Variants in SPTLC2 observed in about 807,000 individuals in gnomAD.
SPTLC2 encodes serine palmitoyltransferase 2.
A neutral mutation model predicts 62.0 loss-of-function variants in SPTLC2; 21 were observed. The observed-to-expected ratio is 0.34, with a 90% CI of 0.24 to 0.49. The LOEUF (loss-of-function observed/expected upper bound fraction) is 0.49, where lower values mean the gene tolerates loss of function less well. Ranked by LOEUF, SPTLC2 falls within the 20% of genes least tolerant of loss-of-function variation. SPTLC2 has a pLI of 0.99. For missense variants in SPTLC2, 511 were observed against 713.0 expected (o/e 0.72, Z 3.23); for synonymous variants, 261 against 261.8 (o/e 1.00, Z 0.03).
intron 9 of SPTLC2, among the ~76,000 whole-genome samples, chr14:77,545,608 G>A (rs2079524419): frequency 6.6e-6 from 1 of 152,124 alleles, no homozygotes; most frequent in Non-Finnish European, 1.5e-5. Context: ...CCATCTATCA[G>A]GTCACTGGTT....
intron 9 of SPTLC2, among the ~76,000 whole-genome samples, chr14:77,548,979 C>T (rs1343198193): frequency 6.6e-6 from 1 of 152,092 alleles, no homozygotes; most frequent in East Asian, 1.9e-4. Flanking sequence ...CTCTGGAATC[C>T]AACAATAACA....
At chr14:77,579,745 A>C (rs944031304) in intron 2 of SPTLC2, among the ~76,000 whole-genome samples, 5 of 152,122 alleles carry the variant, frequency 3.3e-5, no homozygotes, top group African/African-American at 1.2e-4. Flanking sequence ...ACAACAACAA[A>C]AAAAACCCTG....
chr14:77,614,074 T>C (rs2079951960), intron 1 of SPTLC2, among the ~76,000 whole-genome samples: 1 of 152,240 alleles, frequency 6.6e-6, no homozygotes, highest in South Asian at 2.1e-4. Flanking sequence ...TTCTTCCAAA[T>C]GCCACCAATG....
chr14:77,555,409 C>G lies in SPTLC2; in HGVS notation c.1067G>C (p.Gly356Ala), dbSNP rs1314409456. ...AHSIGALGPT[G>A]RGVVEYFGLD... is the part of the protein sequence containing the mutation. ...GCCAAAGTACTCCACCACACCCCGG[C>G]CTGTGGGGCCCAGGGCGCCAATGCT... Residue 356 changes from glycine (G) to alanine (A), a missense_variant, in exon 8 of 12, where the codon GGC (glycine) becomes GCC (alanine). Physicochemically the swap from Gly to Ala is moderately conservative, Grantham distance 60. Transcript: ENST00000216484. The G allele has an allele frequency of 1.2e-6, 2 of 1,614,180 alleles. No individual in the cohort carries two copies. The highest frequency in any genetic ancestry group is 4.5e-5 in the East Asian group (2 of 44,876).
rs1187442772 is a variant in SPTLC2 at position 77,555,357 on chromosome 14, C to G, written c.1119G>C (p.Met373Ile). 1.9e-6 allele frequency: 3 copies of G among 1,614,164 alleles called. No individual in the cohort carries two copies. Among genetic ancestry groups the G allele is most frequent in the Non-Finnish European group, 2.5e-6 (3 of 1,180,042 alleles). Residue 373 changes from methionine to isoleucine, a missense_variant, in exon 8 of 12, where the codon ATG becomes ATC. Met to Ile is a conservative substitution (Grantham distance 10). Coordinates refer to ENST00000216484, the MANE Select transcript of SPTLC2 (RefSeq NM_004863.4). ...FGLDPEDVDV[M>I]MGTFTKSFGA... ...CAAAACTCTTTGTGAACGTTCCCAT[C>G]ATAACATCCACATCCTCGGGATCCA...
intron 2 of SPTLC2, among the ~76,000 whole-genome samples, chr14:77,594,629 T>C (rs982971186): frequency 6.6e-6 from 1 of 152,166 alleles, no homozygotes; most frequent in African/African-American, 2.4e-5. Flanking sequence ...ATACTCCTCA[T>C]TGCCTACCAA....
chr14:77,553,406 C>A (rs1297863159), intron 8 of SPTLC2, among the ~76,000 whole-genome samples: 1 of 152,094 alleles, frequency 6.6e-6, no homozygotes, highest in African/African-American at 2.4e-5. Context: ...AGCCTGGTCC[C>A]ATTAACAAAA....
intron 9 of SPTLC2, among the ~76,000 whole-genome samples, chr14:77,541,843 G>A (rs1243409662): frequency 6.6e-6 from 1 of 152,168 alleles, no homozygotes; most frequent in Non-Finnish European, 1.5e-5. Context: ...GATCACCTGA[G>A]GTCAGGAGTT....
At chr14:77,524,140 A>G (rs935555973) in intron 9 of SPTLC2, among the ~76,000 whole-genome samples, 1 of 152,220 alleles carries the variant, frequency 6.6e-6, no homozygotes, top group African/African-American at 2.4e-5. Flanking sequence ...GAATCTCAAA[A>G]TATAATGTTC....
chr14:77,554,933 C>T, intron 8 of SPTLC2: 1 of 323,092 alleles, frequency 3.1e-6, no homozygotes, highest in South Asian at 2.9e-5. Flanking sequence ...GGCAAGGTGA[C>T]CTGCTATTCC....
intron 4 of SPTLC2, 58 bp from the exon 5 acceptor site, chr14:77,570,566 A>C: frequency 6.2e-7 from 1 of 1,602,522 alleles, no homozygotes; most frequent in South Asian, 1.1e-5. Flanking sequence ...AGAATTACTC[A>C]TCACTTTATT....
At chr14:77,610,420 G>A (rs2079928895) in intron 1 of SPTLC2, among the ~76,000 whole-genome samples, 1 of 152,128 alleles carries the variant, frequency 6.6e-6, no homozygotes, top group Non-Finnish European at 1.5e-5. Context: ...GGGATTACAG[G>A]CGTGAGCCAC....
chr14:77,614,686 A>G (rs2140069979), intron 1 of SPTLC2, among the ~76,000 whole-genome samples: 1 of 150,340 alleles, frequency 6.7e-6, no homozygotes, highest in South Asian at 2.1e-4. Context: ...AAAAACAAAA[A>G]AAATCATACC....
chr14:77,564,296 GAGGAGGAGA>G (rs1002355994), intron 5 of SPTLC2, among the ~76,000 whole-genome samples: 8 of 80,710 alleles, frequency 9.9e-5, no homozygotes, highest in Admixed American at 5.2e-4. Context: ...AAAGGAGGAA[GAGGAGGAGA>G]AGGAGGAGAA....
chr14:77,519,434 G>A (rs1016481548), intron 10 of SPTLC2, among the ~76,000 whole-genome samples: 1 of 152,092 alleles, frequency 6.6e-6, no homozygotes, highest in South Asian at 2.1e-4. Flanking sequence ...ATAAAAAAAT[G>A]TGGCCGGGCC....
chr14:77,570,776 T>C (rs1566783661), intron 4 of SPTLC2, among the ~76,000 whole-genome samples: 1 of 152,322 alleles, frequency 6.6e-6, no homozygotes, highest in East Asian at 1.9e-4. Context: ...CTCCCATTCC[T>C]GTTTGTGCAT....
chr14:77,609,340 C>T (rs2079922423), intron 1 of SPTLC2, among the ~76,000 whole-genome samples: 1 of 152,118 alleles, frequency 6.6e-6, no homozygotes, highest in East Asian at 1.9e-4. Context: ...TACTGCATTC[C>T]TTCAGTAGTA....
At chr14:77,589,850 C>T (rs1258967839) in intron 2 of SPTLC2, among the ~76,000 whole-genome samples, 2 of 151,612 alleles carry the variant, frequency 1.3e-5, no homozygotes, top group Non-Finnish European at 2.9e-5. Flanking sequence ...TGGTGGTGCA[C>T]GCCTGCAGTC....
chr14:77,513,492 T>TAC (rs1330523082), intron 11 of SPTLC2, among the ~76,000 whole-genome samples: 1 of 152,202 alleles, frequency 6.6e-6, no homozygotes, highest in Non-Finnish European at 1.5e-5. Context: ...AGAAGAGGTA[T>TAC]AAGTGAAAGC....
Sources: allele counts gnomAD v4.1 joint callset (sites outside exome capture counted in the v4.1 genomes callset), GRCh38; gene constraint gnomAD v4.1.1; transcripts MANE v1.5; gene names NCBI Gene and HGNC (gene_info 2026-07-23, HGNC 2026-07-21).